The following ATP11B variants were observed in gnomAD, a reference collection of about 807,000 sequenced individuals.
ATP11B encodes the protein ATPase phospholipid transporting 11B (putative).
ATP11B carries 81 observed loss-of-function variants against 157.8 expected under a neutral mutation model. The ratio of observed to expected loss-of-function variants is 0.51; its 90% confidence interval spans 0.43 to 0.62. The LOEUF is 0.62. Among genes scored for constraint, ATP11B ranks in the 20% least tolerant of loss-of-function variants. The pLI is 0.00. For missense variants in ATP11B, 1,165 were observed against 1,402.2 expected, an observed-to-expected ratio of 0.83 and a Z score of 2.70; for synonymous variants, 451 against 469.4, an observed-to-expected ratio of 0.96 and a Z score of 0.51.
chr3:182,793,693 T>C lies in ATP11B; in HGVS notation c.-67T>C. 1.7e-6 allele frequency: 2 copies of C among 1,173,788 alleles called. No individual in the cohort carries two copies. Among genetic ancestry groups the C allele is most frequent in the Non-Finnish European group, 1.2e-6 (1 of 866,208 alleles). The allele number at this position is 1,173,788 out of a possible 1,614,324, so 72.7% of individuals were successfully genotyped here. A position where few individuals can be genotyped will look rare whatever the true frequency, so the allele number is the denominator to read the frequency against. ...GGCTCGCCCGCTCCCGCCTCTGTCT[T>C]GTCGGCCTCCACCTGCAGCCCCGCG... On this transcript the variant is annotated 5_prime_UTR_variant, in exon 1 of 30. Transcript: ENST00000323116.
intron 28 of ATP11B, among the ~76,000 whole-genome samples, chr3:182,901,701 T>A (rs1344041354): frequency 6.6e-6 from 1 of 152,224 alleles, no homozygotes; most frequent in East Asian, 1.9e-4. Context: ...TAATATCAGT[T>A]CTTGTTACCT....
At chr3:182,876,344 A>G (rs912007283) in intron 19 of ATP11B, among the ~76,000 whole-genome samples, 21 of 152,142 alleles carry the variant, frequency 1.4e-4, no homozygotes, top group South Asian at 6.2e-4. Context: ...AATTTAGGCT[A>G]TTTTCTTTAA....
intron 28 of ATP11B, among the ~76,000 whole-genome samples, chr3:182,909,635 C>T (rs1724621526): frequency 6.6e-6 from 1 of 152,054 alleles, no homozygotes; most frequent in Non-Finnish European, 1.5e-5. Flanking sequence ...TACTCTGGCC[C>T]GAGCTCCCAG....
At chr3:182,824,520 A>G (rs1013029372) in intron 2 of ATP11B, among the ~76,000 whole-genome samples, 1 of 152,212 alleles carries the variant, frequency 6.6e-6, no homozygotes, top group Admixed American at 6.5e-5. Context: ...TAGTTTTTAA[A>G]ATGTAATCTT....
intron 9 of ATP11B, among the ~76,000 whole-genome samples, chr3:182,846,715 C>G (rs1434023387): frequency 6.6e-6 from 1 of 152,100 alleles, no homozygotes; most frequent in Non-Finnish European, 1.5e-5. Flanking sequence ...TGAAAGAAGC[C>G]AGACACAAAA....
At position 182,866,383 on chromosome 3, in the gene ATP11B, C is replaced by A. The variant is rs1553810125; in HGVS notation, c.1559C>A (p.Ser520Ter). 6.2e-7 allele frequency: 1 copy of A among 1,613,776 alleles called. No homozygotes were observed. The highest frequency in any genetic ancestry group is 1.7e-5 in the Admixed American group (1 of 59,980). The change falls in exon 14 of 30, where the codon TCG becomes TAG. Residue 520 changes from serine (S) to a stop codon, truncating the protein, a stop_gained. Coordinates refer to ENST00000323116, the MANE Select transcript of ATP11B (RefSeq NM_014616.3). LOFTEE classifies it high-confidence loss of function. ...CCCTGGCAATCCAACCTGGCACCAT[C>A]GCAGTTGGAGTACTATGCATCTTCA... ...DGPWQSNLAP[S>*]QLEYYASSPD...
At chr3:182,900,756 A>C (rs1231325241) in intron 28 of ATP11B, among the ~76,000 whole-genome samples, 1 of 152,146 alleles carries the variant, frequency 6.6e-6, no homozygotes, top group Non-Finnish European at 1.5e-5. Flanking sequence ...TAAATACTTA[A>C]TTCTTGAGAC....
intron 14 of ATP11B, among the ~76,000 whole-genome samples, chr3:182,866,839 T>C (rs1013738790): frequency 2.7e-5 from 3 of 111,362 alleles, no homozygotes; most frequent in African/African-American, 7.8e-5. Context: ...TAAAAATATG[T>C]AAGTAATAAA....
At chr3:182,835,098 G>C (rs768463235) in intron 4 of ATP11B, among the ~76,000 whole-genome samples, 9 of 152,130 alleles carry the variant, frequency 5.9e-5, no homozygotes, top group Admixed American at 2.6e-4. Context: ...AGGAAGAGGA[G>C]AGGTTGGTCT....
At chr3:182,796,358 T>C (rs1230374785) in intron 1 of ATP11B, among the ~76,000 whole-genome samples, 1 of 152,228 alleles carries the variant, frequency 6.6e-6, no homozygotes, top group Admixed American at 6.5e-5. Context: ...TGACAATACC[T>C]TGATTATAAT....
intron 8 of ATP11B, among the ~76,000 whole-genome samples, chr3:182,842,886 A>G (rs1719162402): frequency 6.6e-6 from 1 of 152,248 alleles, no homozygotes; most frequent in Non-Finnish European, 1.5e-5. Context: ...AATCCCATTC[A>G]GTTGTTAATA....
chr3:182,804,470 T>G (rs1716201637), intron 1 of ATP11B, among the ~76,000 whole-genome samples: 3 of 152,116 alleles, frequency 2.0e-5, no homozygotes, highest in Admixed American at 2.0e-4. Context: ...CCTGGCCTCG[T>G]GATCCGCTCG....
At position 182,883,344 on chromosome 3, in the gene ATP11B, G is replaced by A. The variant is rs145295111; in HGVS notation, c.2510-1409G>A. On this transcript the variant is annotated intron_variant, in intron 21 of 29. Coordinates refer to ENST00000323116, the MANE Select transcript of ATP11B (RefSeq NM_014616.3). ...TCAATCTCGGCTCACGGCAACCTCC[G>A]TCTCCTGGGTTCAAGCGATTCTCCT... Among the ~76,000 whole-genome samples, 1,012 of 151,334 alleles carry A rather than the reference G, an allele frequency of 6.7e-3. 10 individuals are homozygous for A. The highest frequency in any genetic ancestry group is 0.024 in the African/African-American group (979 of 41,188).
At chr3:182,836,987 A>T in intron 6 of ATP11B, 84 bp from the exon 7 acceptor site, 1 of 906,358 alleles carries the variant, frequency 1.1e-6, no homozygotes, top group Non-Finnish European at 1.8e-6. Context: ...CCATTACTTT[A>T]CCTATAAAAG....
intron 4 of ATP11B, chr3:182,829,989 G>A (rs1718006141): frequency 1.0e-6 from 1 of 978,032 alleles, no homozygotes. Context: ...GAGCTAGAAA[G>A]CATCCAAAAA....
chr3:182,876,480 A>T (rs1489780089), intron 19 of ATP11B, among the ~76,000 whole-genome samples: 1 of 152,336 alleles, frequency 6.6e-6, no homozygotes, highest in East Asian at 1.9e-4. Context: ...TTGCCGTCTT[A>T]GTCTGTTTGT....
intron 2 of ATP11B, among the ~76,000 whole-genome samples, chr3:182,825,297 T>C (rs1274299541): frequency 1.3e-5 from 2 of 152,254 alleles, no homozygotes; most frequent in Admixed American, 6.5e-5. Context: ...TATTAATGTT[T>C]TGTTCTTAAT....
intron 1 of ATP11B, among the ~76,000 whole-genome samples, chr3:182,806,191 C>A (rs73175780): frequency 0.021 from 3,123 of 152,242 alleles, 49 homozygotes; most frequent in Non-Finnish European, 0.033. Context: ...ACTACTTATT[C>A]CATTACTTTC....
chr3:182,881,539 CAA>C (rs779854409), intron 21 of ATP11B, among the ~76,000 whole-genome samples: 7 of 119,772 alleles, frequency 5.8e-5, no homozygotes, highest in East Asian at 2.6e-4. Context: ...GACTCTGTCT[CAA>C]AAAAAAAAAA....
Sources: gnomAD v4.1 joint callset for allele counts (sites outside exome capture counted in the v4.1 genomes callset) on GRCh38, gnomAD v4.1.1 for gene constraint, MANE v1.5 for transcripts, NCBI Gene and HGNC (gene_info 2026-07-23, HGNC 2026-07-21) for gene names.